GRIK4: variants seen among roughly 807,000 people sequenced by gnomAD.
The protein encoded by GRIK4 is glutamate ionotropic receptor kainate type subunit 4.
Under a neutral mutation model 104.9 loss-of-function variants are expected in GRIK4, and 40 were observed. The ratio of observed to expected loss-of-function variants is 0.38; its 90% CI spans 0.30 to 0.50. The LOEUF (loss-of-function observed/expected upper bound fraction) is 0.50. Among genes scored for constraint, GRIK4 ranks in the 20% least tolerant of loss-of-function variants. GRIK4 has a pLI of 0.93. For missense variants in GRIK4, 1,047 were observed against 1,308.1 expected (o/e 0.80, Z 3.08); for synonymous variants, 485 against 524.9 (o/e 0.92, Z 1.04).
intron 3 of GRIK4, among the ~76,000 whole-genome samples, chr11:120,700,687 G>A (rs911319138): frequency 7.9e-5 from 12 of 152,072 alleles, no homozygotes; most frequent in Non-Finnish European, 1.5e-4. Flanking sequence ...TCAAACTCCC[G>A]ACCTCGTGAT....
chr11:120,633,047 C>T (rs372876257), intron 1 of GRIK4, among the ~76,000 whole-genome samples: 3 of 152,038 alleles, frequency 2.0e-5, no homozygotes, highest in African/African-American at 7.2e-5. Context: ...GATGATGGCA[C>T]CTTGGTCATC....
intron 1 of GRIK4, among the ~76,000 whole-genome samples, chr11:120,616,708 C>T (rs754389281): frequency 4.6e-5 from 7 of 152,226 alleles, no homozygotes; most frequent in Non-Finnish European, 5.9e-5. Flanking sequence ...CATGAAACTA[C>T]GTCAAGACCT....
intron 13 of GRIK4, among the ~76,000 whole-genome samples, chr11:120,917,282 A>G (rs1464151835): frequency 1.3e-5 from 2 of 149,340 alleles, no homozygotes; most frequent in South Asian, 2.1e-4. Context: ...AGAAAGAAAG[A>G]AAGAAAGAAA....
At chr11:120,972,520 T>C (rs1375536652) in intron 19 of GRIK4, among the ~76,000 whole-genome samples, 5 of 151,092 alleles carry the variant, frequency 3.3e-5, no homozygotes, top group Non-Finnish European at 5.9e-5. Flanking sequence ...GAAGTTAGAG[T>C]GAAAAAAAAG....
chr11:120,721,779 T>C (rs1950937558), intron 3 of GRIK4, among the ~76,000 whole-genome samples: 1 of 152,004 alleles, frequency 6.6e-6, no homozygotes, highest in East Asian at 1.9e-4. Flanking sequence ...TGTGTACCTA[T>C]CTCTAGGAAC....
chr11:120,620,531 C>T (rs1015815375), intron 1 of GRIK4, among the ~76,000 whole-genome samples: 7 of 152,066 alleles, frequency 4.6e-5, no homozygotes, highest in African/African-American at 1.5e-4. Flanking sequence ...GATGGGGTCT[C>T]CCTATGTTGT....
intron 1 of GRIK4, among the ~76,000 whole-genome samples, chr11:120,577,856 A>G (rs1948505869): frequency 6.6e-6 from 1 of 152,144 alleles, no homozygotes; most frequent in Non-Finnish European, 1.5e-5. Context: ...TTGGAGCAGC[A>G]TCTACGCAGC....
At chr11:120,633,652 A>G (rs1232093688) in intron 1 of GRIK4, among the ~76,000 whole-genome samples, 1 of 152,170 alleles carries the variant, frequency 6.6e-6, no homozygotes, top group East Asian at 1.9e-4. Context: ...TAAAGAGGGA[A>G]ATGAAAGCCA....
intron 1 of GRIK4, among the ~76,000 whole-genome samples, chr11:120,523,702 G>A (rs1049971049): frequency 1.3e-5 from 2 of 152,140 alleles, no homozygotes; most frequent in South Asian, 2.1e-4. Flanking sequence ...GTCTGCCTTC[G>A]TCTCTTTAGC....
intron 1 of GRIK4, among the ~76,000 whole-genome samples, chr11:120,607,322 G>A (rs1948974950): frequency 6.6e-6 from 1 of 152,248 alleles, no homozygotes; most frequent in Admixed American, 6.5e-5. Flanking sequence ...ATCAGCAATG[G>A]CACAGTGAGG....
chr11:120,611,976 A>G (rs1949043780), intron 1 of GRIK4, among the ~76,000 whole-genome samples: 1 of 152,168 alleles, frequency 6.6e-6, no homozygotes, highest in Non-Finnish European at 1.5e-5. Context: ...TCCTAGGGAT[A>G]GAAAGTTGGT....
chr11:120,898,406 C>A lies in GRIK4; in HGVS notation c.1165-126C>A, dbSNP rs575295829. ...AGTCTCCCTTCTGCAGTTCAGCCCC[C>A]GGCTCCGTACTCCACACCCCTCCCT... On this transcript the variant is annotated intron_variant, in intron 11 of 20. Coordinates refer to ENST00000527524, the MANE Select transcript of GRIK4 (RefSeq NM_014619.5). 3 of 637,886 alleles carry A rather than the reference C, an allele frequency of 4.7e-6. No homozygotes were observed. In the African/African-American group the frequency reaches 5.4e-5, roughly 12 times the overall value. The allele number at this position is 637,886 out of a possible 1,614,324, so 39.5% of individuals were successfully genotyped here.
intron 1 of GRIK4, among the ~76,000 whole-genome samples, chr11:120,643,072 TTGTTCTAGG>T (rs946109124): frequency 3.7e-4 from 57 of 152,254 alleles, no homozygotes; most frequent in African/African-American, 1.3e-3. Context: ...ATGGCAGGCA[TTGTTCTAGG>T]TGTTTAGGAC....
chr11:120,916,457 T>G (rs1943106793), intron 13 of GRIK4, among the ~76,000 whole-genome samples: 1 of 152,232 alleles, frequency 6.6e-6, no homozygotes, highest in Non-Finnish European at 1.5e-5. Context: ...GGCAACTCTT[T>G]GAAGGAAAGT....
At chr11:120,564,315 A>C (rs7103821) in intron 1 of GRIK4, 78,312 of 152,124 alleles carry the variant, frequency 0.51, 21,194 homozygotes, top group African/African-American at 0.69. Context: ...GCGCCACCGG[A>C]TTCCATTTGT....
chr11:120,908,371 C>A (rs1277155873), intron 13 of GRIK4, among the ~76,000 whole-genome samples: 1 of 152,136 alleles, frequency 6.6e-6, no homozygotes, highest in African/African-American at 2.4e-5. Flanking sequence ...CCCCTTCCCC[C>A]ACAGCTCTAG....
chr11:120,836,603 A>C (rs1953580570), intron 7 of GRIK4, among the ~76,000 whole-genome samples, 188 bp from the exon 8 acceptor site: 1 of 152,186 alleles, frequency 6.6e-6, no homozygotes, highest in South Asian at 2.1e-4. Flanking sequence ...CCCGCTCTTG[A>C]GACCAGAATT....
intron 11 of GRIK4, among the ~76,000 whole-genome samples, chr11:120,883,099 G>T (rs1157360590): frequency 6.6e-6 from 1 of 152,126 alleles, no homozygotes; most frequent in Non-Finnish European, 1.5e-5. Context: ...CCCTGAGCCA[G>T]CTGAGAGTGG....
At chr11:120,526,806 A>G (rs1441875332) in intron 1 of GRIK4, among the ~76,000 whole-genome samples, 1 of 152,120 alleles carries the variant, frequency 6.6e-6, no homozygotes, top group Non-Finnish European at 1.5e-5. Context: ...CCAAGATTGC[A>G]CCATTGCACT....
Sources: allele counts gnomAD v4.1 joint callset (sites outside exome capture counted in the v4.1 genomes callset), GRCh38; gene constraint gnomAD v4.1.1; transcripts MANE v1.5; gene names NCBI Gene and HGNC (gene_info 2026-07-23, HGNC 2026-07-21).